PTPN13: variants seen among roughly 807,000 people sequenced by gnomAD.
PTPN13 encodes the protein tyrosine-protein phosphatase non-receptor type 13.
PTPN13 carries 191 observed loss-of-function variants against 284.0 expected under a neutral mutation model. The observed-to-expected ratio is 0.67, with a 90% CI of 0.60 to 0.76. The LOEUF (loss-of-function observed/expected upper bound fraction) is 0.76, where lower values mean the gene tolerates loss of function less well. PTPN13 is among the 30% of genes least tolerant of loss of function. The probability of loss-of-function intolerance (pLI) is 0.00; values close to 1 mark genes in which losing one functional copy is unlikely to be tolerated. For synonymous variants in PTPN13, 986 were observed against 1,022.3 expected (o/e 0.96, Z 0.68); for missense variants, 2,797 against 2,939.9 (o/e 0.95, Z 1.12).
chr4:86,637,999 T>C (rs1389550431), intron 2 of PTPN13, among the ~76,000 whole-genome samples: 19 of 151,892 alleles, frequency 1.3e-4, no homozygotes, highest in Admixed American at 1.1e-3. Flanking sequence ...ACAAAATCAA[T>C]GTACAAAAAT....
intron 6 of PTPN13, 58 bp downstream of exon 6, chr4:86,693,732 A>G: frequency 8.3e-7 from 1 of 1,199,292 alleles, no homozygotes; most frequent in Non-Finnish European, 1.1e-6. Context: ...TGTTTTCTTT[A>G]CAAAATTATA....
In PTPN13 at chr4:86,731,190, C is replaced by T. The variant is rs1390155721; in HGVS notation, c.1609-1210C>T. On this transcript the variant is annotated intron_variant, in intron 10 of 47. Transcript: ENST00000411767. ...TAGTTCAAGCACACACCTACACATA[C>T]ACACAGACCACTTGCTTCTGGCCTC... is the stretch of plus-strand genomic sequence containing the variant. 3.9e-5 allele frequency among the ~76,000 whole-genome samples: 6 copies of T among 152,322 alleles called. No homozygotes were observed. In the East Asian group the frequency reaches 1.2e-3, roughly 29 times the overall value.
At position 86,785,320 on chromosome 4, in the gene PTPN13, C is replaced by G. The variant is rs1741768674; in HGVS notation, c.6208C>G (p.Gln2070Glu). The G allele has an allele frequency of 1.9e-6, 3 of 1,611,026 alleles. No homozygotes were observed. The Admixed American group carries it at 5.0e-5, about 27-fold the overall frequency. ...SLLDVVDEEAQNLLNENNAAG... is the reference protein window; with the variant it reads ...SLLDVVDEEAENLLNENNAAG... ...GCTGGATGTTGTGGATGAGGAAGCC[C>G]AGAATCTTTTAAACGAAAATAATGC... The change falls in exon 39 of 48, where the codon CAG (glutamine) becomes GAG (glutamate). Residue 2070 changes from glutamine to glutamate, a missense_variant. Physicochemically the swap from Gln to Glu is conservative, Grantham distance 29. Coordinates refer to ENST00000411767, the MANE Select transcript of PTPN13 (RefSeq NM_080683.3).
intron 7 of PTPN13, among the ~76,000 whole-genome samples, chr4:86,712,291 A>G (rs1342414445): frequency 6.6e-6 from 1 of 151,560 alleles, no homozygotes; most frequent in East Asian, 1.9e-4. Flanking sequence ...ACAGACCAGA[A>G]CAGAGGAAGA....
In PTPN13 at chr4:86,735,594, G is replaced by C; in HGVS notation, c.2152G>C (p.Val718Leu). 6.2e-7 allele frequency: 1 copy of C among 1,610,512 alleles called. No individual in the cohort carries two copies. The highest frequency in any genetic ancestry group is 8.5e-7 in the Non-Finnish European group (1 of 1,179,018). ...CTTATGAAAACATTCTTTTATCTAG[G>C]TTCATGGTGTGTCTTACTTTAGAAT... Reference protein sequence around the residue: ...QAEYGDYQPEVHGVSYFRMEH... With the variant: ...QAEYGDYQPELHGVSYFRMEH... The change falls in exon 15 of 48, where the codon GTT becomes CTT. Residue 718 changes from valine (V) to leucine (L), a missense_variant and splice_region_variant. Transcript: ENST00000411767.
chr4:86,769,370 G>A (rs2149268544), intron 28 of PTPN13, among the ~76,000 whole-genome samples: 1 of 152,034 alleles, frequency 6.6e-6, no homozygotes, highest in Admixed American at 6.6e-5. Context: ...TCACTGTATT[G>A]CCCAGGCTGG....
chr4:86,725,388 GCCACACTGTCTT>G (rs1253966047), intron 10 of PTPN13, among the ~76,000 whole-genome samples: 1 of 149,108 alleles, frequency 6.7e-6, no homozygotes, highest in Non-Finnish European at 1.5e-5. Context: ...TTGAGTAATC[GCCACACTGTCTT>G]CCACAAAGGT....
chr4:86,758,915 A>G (rs1738334233), intron 22 of PTPN13, 27 bp from the exon 23 acceptor site: 10 of 1,601,158 alleles, frequency 6.2e-6, no homozygotes, highest in Non-Finnish European at 8.5e-6. Context: ...TTTGTTGTTG[A>G]AAATACTGGA....
At chr4:86,623,262 A>G (rs1721464149) in intron 1 of PTPN13, among the ~76,000 whole-genome samples, 1 of 152,138 alleles carries the variant, frequency 6.6e-6, no homozygotes, top group South Asian at 2.1e-4. Context: ...CAGTTCTCAG[A>G]GAGAGACCAG....
rs1176397806 is a variant in PTPN13, at chr4:86,764,530, A to G, written c.4018-63A>G. 6 of 1,278,436 alleles carry G rather than the reference A, an allele frequency of 4.7e-6. No homozygotes were observed. In the African/African-American group the frequency reaches 7.8e-5, roughly 17 times the overall value. 79.2% of individuals were successfully genotyped at this position (1,278,436 alleles called of 1,614,324 possible). A position where few individuals can be genotyped will look rare whatever the true frequency, so the allele number is the denominator to read the frequency against. On this transcript the variant is annotated intron_variant, in intron 24 of 47. Transcript: ENST00000411767. ...AGGTTTAAAAAAAAAGAAATTAAAA[A>G]AAGAAAAATTATAATTCATTTTGAC...
At chr4:86,790,362 AC>A (rs1306964014) in intron 40 of PTPN13, among the ~76,000 whole-genome samples, 1 of 152,172 alleles carries the variant, frequency 6.6e-6, no homozygotes, top group Non-Finnish European at 1.5e-5. Context: ...GGATGAAATA[AC>A]CTATGTCACA....
At chr4:86,757,762 C>CAAAAAAAAAAAAAAAAAAAAAAAA (rs542129918) in intron 20 of PTPN13, among the ~76,000 whole-genome samples, 34 of 112,456 alleles carry the variant, frequency 3.0e-4, no homozygotes, top group Middle Eastern at 4.6e-3. Flanking sequence ...GACTCTGTCT[C>CAAAAAAAAAAAAAAAAAAAAAAAA]AAAAAAAAAA....
chr4:86,701,461 A>C lies in PTPN13; in HGVS notation c.855A>C (p.Lys285Asn), dbSNP rs537971054. The change falls in exon 7 of 48, where the codon AAA (lysine) becomes AAC (asparagine). Residue 285 changes from lysine to asparagine, a missense_variant. Coordinates refer to ENST00000411767, the MANE Select transcript of PTPN13 (RefSeq NM_080683.3). ...TCAAAACTAGTGGCCCAGAAAAAAA[A>C]CCCATCCCTGGCATTGATGTGCTTT... ...YQFKTSGPEK[K>N]PIPGIDVLSK... 2 of 1,613,840 alleles carry C rather than the reference A, an allele frequency of 1.2e-6. No individual in the cohort carries two copies. Among genetic ancestry groups the C allele is most frequent in the African/African-American group, 1.3e-5 (1 of 75,048 alleles).
intron 2 of PTPN13, among the ~76,000 whole-genome samples, chr4:86,666,703 G>A (rs1437165243): frequency 6.6e-6 from 1 of 152,200 alleles, no homozygotes; most frequent in Non-Finnish European, 1.5e-5. Context: ...AGGCAGGCTT[G>A]AGGAGGCGAT....
At chr4:86,802,199 A>G (rs965716426) in intron 42 of PTPN13, among the ~76,000 whole-genome samples, 3 of 150,474 alleles carry the variant, frequency 2.0e-5, no homozygotes, top group Admixed American at 1.3e-4. Context: ...GAGTCAGGGG[A>G]GCATAACTTA....
At chr4:86,596,456 T>G (rs7660964) in intron 1 of PTPN13, among the ~76,000 whole-genome samples, 125,136 of 152,148 alleles carry the variant, frequency 0.82, 51,955 homozygotes, top group East Asian at 0.89. Flanking sequence ...AGATTTTAAT[T>G]CTATGATGGG....
intron 1 of PTPN13, among the ~76,000 whole-genome samples, chr4:86,618,050 A>G (rs1720772322): frequency 6.6e-6 from 1 of 152,032 alleles, no homozygotes; most frequent in Non-Finnish European, 1.5e-5. Flanking sequence ...TAGGGTTTTT[A>G]TGGTTTTAGG....
rs759784072 is a variant in PTPN13 at position 86,705,333 on chromosome 4, C to CAAAAAAAAAAAAAAAAAAAAAAAA, written c.1195+3547_1195+3548insAAAAAAAAAAAAAAAAAAAAAAAA. ...TGGGTGACAGAGCAAGACTCCGTCT[C>CAAAAAAAAAAAAAAAAAAAAAAAA]AAAAAAAAAAAAAAAGACATGCGCA... On this transcript the variant is annotated intron_variant, in intron 7 of 47. Coordinates refer to ENST00000411767, the MANE Select transcript of PTPN13 (RefSeq NM_080683.3). Among the ~76,000 whole-genome samples, 135 of 95,252 alleles carry CAAAAAAAAAAAAAAAAAAAAAAAA rather than the reference C, an allele frequency of 1.4e-3. 3 individuals are homozygous for CAAAAAAAAAAAAAAAAAAAAAAAA. The highest frequency in any genetic ancestry group is 2.5e-3 in the African/African-American group (62 of 25,054). 62.5% of individuals were successfully genotyped at this position (95,252 alleles called of 152,430 possible). A position where few individuals can be genotyped will look rare whatever the true frequency, so the allele number is the denominator to read the frequency against.
chr4:86,748,569 TC>T (rs1737035069), intron 17 of PTPN13, among the ~76,000 whole-genome samples: 1 of 152,212 alleles, frequency 6.6e-6, no homozygotes, highest in Non-Finnish European at 1.5e-5. Flanking sequence ...TTATTTTGCT[TC>T]TTTGATTACA....
Sources: allele counts gnomAD v4.1 joint callset (sites outside exome capture counted in the v4.1 genomes callset), GRCh38; gene constraint gnomAD v4.1.1; transcripts MANE v1.5; gene names NCBI Gene and HGNC (gene_info 2026-07-23, HGNC 2026-07-21).